SKP1: variants seen among roughly 807,000 people sequenced by gnomAD.
SKP1 encodes S-phase kinase associated protein 1.
SKP1 carries 1 observed loss-of-function variant against 21.5 expected under a neutral mutation model. That is an observed-to-expected ratio of 0.05 (90% confidence interval 0.02 to 0.22). The LOEUF is 0.22. Ranked by LOEUF, SKP1 falls within the 10% of genes least tolerant of loss-of-function variation. The probability of loss-of-function intolerance (pLI) is 1.00; values close to 1 mark genes in which losing one functional copy is unlikely to be tolerated. For synonymous variants in SKP1, 59 were observed against 59.3 expected, an observed-to-expected ratio of 0.99 and a Z score of 0.03; for missense variants, 70 against 192.0, an observed-to-expected ratio of 0.36 and a Z score of 3.76.
intron 1 of SKP1, chr5:134,176,506 C>T (rs1761549747): frequency 6.6e-6 from 1 of 152,414 alleles, no homozygotes; most frequent in Admixed American, 6.5e-5. Context: ...GGACAGCAGG[C>T]TTAAGACCAA....
intron 5 of SKP1, chr5:134,158,056 T>C (rs980292412): frequency 2.1e-5 from 31 of 1,456,612 alleles, no homozygotes; most frequent in Non-Finnish European, 2.8e-5. Context: ...TCTGTAGTCA[T>C]GTCAACAAAA....
chr5:134,173,602 G>A (rs931370548), intron 2 of SKP1: 4 of 412,790 alleles, frequency 9.7e-6, no homozygotes, highest in South Asian at 1.9e-5. Flanking sequence ...CTTTTCCAAA[G>A]ACCTTAATTT....
At chr5:134,163,784 T>C (rs1210019102) in intron 3 of SKP1, among the ~76,000 whole-genome samples, 2 of 151,990 alleles carry the variant, frequency 1.3e-5, no homozygotes, top group Non-Finnish European at 2.9e-5. Flanking sequence ...AGTGAGGCCC[T>C]ATCTCAAACA....
chr5:134,167,611 C>T (rs189169412), intron 2 of SKP1, among the ~76,000 whole-genome samples: 1 of 152,064 alleles, frequency 6.6e-6, no homozygotes, highest in South Asian at 2.1e-4. Context: ...CAAGCTCCGC[C>T]TCCCGGGTTC....
chr5:134,167,914 G>A (rs1435560816), intron 2 of SKP1, among the ~76,000 whole-genome samples: 1 of 152,176 alleles, frequency 6.6e-6, no homozygotes, highest in Non-Finnish European at 1.5e-5. Flanking sequence ...GAGTATTGGT[G>A]GATTTTGGTA....
At chr5:134,172,503 T>C (rs1405605677) in intron 2 of SKP1, among the ~76,000 whole-genome samples, 2 of 152,062 alleles carry the variant, frequency 1.3e-5, no homozygotes, top group Non-Finnish European at 2.9e-5. Flanking sequence ...AGTCACTTCC[T>C]TATGCTGCAT....
At chr5:134,159,472 C>T (rs907037280) in intron 4 of SKP1, among the ~76,000 whole-genome samples, 2 of 152,028 alleles carry the variant, frequency 1.3e-5, no homozygotes, top group African/African-American at 4.8e-5. Context: ...TCTCTACCTC[C>T]TAGGTTCAGC....
rs535157488 is a variant in SKP1 at position 134,155,832 on chromosome 5, T to C, written c.*1901A>G. On this transcript the variant is annotated 3_prime_UTR_variant, in exon 6 of 6. Coordinates refer to ENST00000353411, the MANE Select transcript of SKP1 (RefSeq NM_170679.3). ...GTTTTTGAGACAAGGTCTCGCTCTATTGCCTAGACTGGAGTGCAGTGGTGC... is the reference window on the plus strand; with the variant it reads ...GTTTTTGAGACAAGGTCTCGCTCTACTGCCTAGACTGGAGTGCAGTGGTGC... 5.9e-5 allele frequency: 9 copies of C among 152,352 alleles called. No homozygotes were observed. The East Asian group carries it at 7.7e-4, about 13-fold the overall frequency. 9.4% of individuals were successfully genotyped at this position (152,352 alleles called of 1,614,324 possible). A position where few individuals can be genotyped will look rare whatever the true frequency, so the allele number is the denominator to read the frequency against.
At chr5:134,168,004 T>C (rs998969682) in intron 2 of SKP1, among the ~76,000 whole-genome samples, 3 of 152,150 alleles carry the variant, frequency 2.0e-5, no homozygotes, top group Admixed American at 6.5e-5. Flanking sequence ...TGAAAGAATA[T>C]AAAAAGTACT....
intron 2 of SKP1, among the ~76,000 whole-genome samples, chr5:134,169,008 T>C (rs923260277): frequency 6.6e-6 from 1 of 152,018 alleles, no homozygotes; most frequent in African/African-American, 2.4e-5. Flanking sequence ...TGTGTAGAGA[T>C]ATAGCGAAGA....
intron 3 of SKP1, among the ~76,000 whole-genome samples, chr5:134,164,552 C>T (rs1203089703): frequency 1.3e-5 from 2 of 152,114 alleles, no homozygotes; most frequent in Admixed American, 6.6e-5. Flanking sequence ...CTTTGGTTCA[C>T]TGCTATACCC....
At chr5:134,172,142 G>A (rs191157065) in intron 2 of SKP1, among the ~76,000 whole-genome samples, 1 of 152,354 alleles carries the variant, frequency 6.6e-6, no homozygotes, top group African/African-American at 2.4e-5. Flanking sequence ...TTCCCACAGC[G>A]CCACTTGGCG....
At chr5:134,169,703 A>G (rs970532473) in intron 2 of SKP1, among the ~76,000 whole-genome samples, 1 of 152,082 alleles carries the variant, frequency 6.6e-6, no homozygotes, top group African/African-American at 2.4e-5. Context: ...CGTTTCTACT[A>G]AAAATACAAA....
At chr5:134,157,889 A>G in intron 5 of SKP1, 121 bp from the exon 6 acceptor site, 1 of 1,597,770 alleles carries the variant, frequency 6.3e-7, no homozygotes. Flanking sequence ...ATGGAAAATT[A>G]GAACAACACC....
chr5:134,160,807 C>CT (rs1387109530), intron 4 of SKP1, among the ~76,000 whole-genome samples, 180 bp downstream of exon 4: 2 of 152,166 alleles, frequency 1.3e-5, no homozygotes, highest in African/African-American at 4.8e-5. Context: ...TAATTTCTGC[C>CT]TTTTAACTGT....
intron 2 of SKP1, among the ~76,000 whole-genome samples, chr5:134,170,419 A>T (rs890337917): frequency 3.9e-5 from 6 of 152,194 alleles, no homozygotes. Context: ...GGACTTCTGA[A>T]AGACACTTGT....
At position 134,157,610 on chromosome 5, in the gene SKP1, C is replaced by G. The variant is rs1265390900; in HGVS notation, c.*123G>C. The G allele has an allele frequency of 2.3e-6, 2 of 855,384 alleles. No homozygotes were observed. The highest frequency in any genetic ancestry group is 1.7e-5 in the Admixed American group (1 of 57,260). The allele number at this position is 855,384 out of a possible 1,614,324, so 53.0% of individuals were successfully genotyped here. ...CACATGCAATGAGGACAATATTCTG[C>G]TAATACAATTGACTTGCTGCTGCAT... is the stretch of plus-strand genomic sequence containing the variant. On this transcript the variant is annotated 3_prime_UTR_variant, in exon 6 of 6. Transcript: ENST00000353411.
intron 2 of SKP1, among the ~76,000 whole-genome samples, chr5:134,172,818 C>G (rs2149377363): frequency 6.6e-6 from 1 of 152,016 alleles, no homozygotes; most frequent in Non-Finnish European, 1.5e-5. Context: ...CGAGACCAGC[C>G]TGACAAACAT....
At chr5:134,171,641 C>G (rs1381121592) in intron 2 of SKP1, among the ~76,000 whole-genome samples, 1 of 152,204 alleles carries the variant, frequency 6.6e-6, no homozygotes, top group African/African-American at 2.4e-5. Context: ...ACTACAGTAT[C>G]ACAATTCCAT....
Sources: gnomAD v4.1 joint callset for allele counts (sites outside exome capture counted in the v4.1 genomes callset) on GRCh38, gnomAD v4.1.1 for gene constraint, MANE v1.5 for transcripts, NCBI Gene and HGNC (gene_info 2026-07-23, HGNC 2026-07-21) for gene names.